The following METTL14 variants were observed in gnomAD, a reference collection of about 807,000 sequenced individuals.
The protein encoded by METTL14 is N(6)-adenosine-methyltransferase non-catalytic subunit METTL14.
A neutral mutation model predicts 62.4 loss-of-function variants in METTL14; 32 were observed. That is an observed-to-expected ratio of 0.51 (90% confidence interval 0.39 to 0.69). The LOEUF is 0.69. Among genes scored for constraint, METTL14 ranks in the 30% least tolerant of loss-of-function variants. The pLI is 0.00. For missense variants in METTL14, 340 were observed against 551.9 expected, an observed-to-expected ratio of 0.62 and a Z score of 3.85; for synonymous variants, 150 against 180.0, an observed-to-expected ratio of 0.83 and a Z score of 1.34.
intron 3 of METTL14, among the ~76,000 whole-genome samples, chr4:118,690,727 T>G (rs150778055): frequency 2.4e-4 from 36 of 151,734 alleles, no homozygotes; most frequent in Non-Finnish European, 1.5e-5. Context: ...TTGGATCAGA[T>G]TTTGAGAAGC....
intron 1 of METTL14, among the ~76,000 whole-genome samples, chr4:118,685,970 A>C (rs1180355624): frequency 6.6e-6 from 1 of 152,084 alleles, no homozygotes; most frequent in African/African-American, 2.4e-5. Flanking sequence ...GTCAGCCCCA[A>C]ATTCTTGAGA....
rs965237054 is a variant in METTL14, at chr4:118,712,390, G to T, written c.*2088G>T. 1.3e-5 allele frequency: 2 copies of T among 152,236 alleles called. No individual in the cohort carries two copies. Among genetic ancestry groups the T allele is most frequent in the African/African-American group, 4.8e-5 (2 of 41,438 alleles). The allele number at this position is 152,236 out of a possible 1,614,324, so 9.4% of individuals were successfully genotyped here. On this transcript the variant is annotated 3_prime_UTR_variant, in exon 11 of 11. Coordinates refer to ENST00000388822, the MANE Select transcript of METTL14 (RefSeq NM_020961.4). Reference sequence around the variant, plus strand: ...CCAGCACTTTGTGAGGCCGATGTGGGTGGATCACTTGAGGTCAGGAGTTTG... The same window carrying T: ...CCAGCACTTTGTGAGGCCGATGTGGTTGGATCACTTGAGGTCAGGAGTTTG...
chr4:118,709,908 A>G, intron 10 of METTL14, 90 bp from the exon 11 acceptor site: 1 of 1,232,966 alleles, frequency 8.1e-7, no homozygotes, highest in South Asian at 1.5e-5. Flanking sequence ...GACATCTTTA[A>G]GAATGCATTG....
At chr4:118,700,513 AAATACTTTTATGC>A in intron 7 of METTL14, 24 bp from the exon 8 acceptor site, 1 of 1,525,670 alleles carries the variant, frequency 6.6e-7, no homozygotes, top group Non-Finnish European at 9.1e-7. Flanking sequence ...ATGGGAAACA[AAATACTTTTATGC>A]AATATCGTTT....
At chr4:118,699,163 A>T (rs1724514450) in intron 7 of METTL14, among the ~76,000 whole-genome samples, 1 of 152,192 alleles carries the variant, frequency 6.6e-6, no homozygotes, top group African/African-American at 2.4e-5. Flanking sequence ...GAAACGGATT[A>T]GAATCTTTGC....
chr4:118,709,694 C>G (rs1456965690), intron 10 of METTL14, among the ~76,000 whole-genome samples: 1 of 152,196 alleles, frequency 6.6e-6, no homozygotes, highest in African/African-American at 2.4e-5. Context: ...ATTACAGTTT[C>G]ACTAAACCCA....
In METTL14 at chr4:118,712,037, G is replaced by A. The variant is rs1470095734; in HGVS notation, c.*1735G>A. ...CTTTGTCGGTTGAAAGTTAAGGGGA[G>A]CCATGATCTACCATATTTAGGAAAA... is the stretch of plus-strand genomic sequence containing the variant. On this transcript the variant is annotated 3_prime_UTR_variant, in exon 11 of 11. Transcript: ENST00000388822. 1.3e-5 allele frequency: 2 copies of A among 152,152 alleles called. No individual in the cohort carries two copies. Among genetic ancestry groups the A allele is most frequent in the Non-Finnish European group, 2.9e-5 (2 of 68,046 alleles). The allele number at this position is 152,152 out of a possible 1,614,324, so 9.4% of individuals were successfully genotyped here. A position where few individuals can be genotyped will look rare whatever the true frequency, so the allele number is the denominator to read the frequency against.
intron 2 of METTL14, among the ~76,000 whole-genome samples, 179 bp downstream of exon 2, chr4:118,688,190 G>A (rs1354485687): frequency 6.6e-6 from 1 of 151,936 alleles, no homozygotes; most frequent in African/African-American, 2.4e-5. Flanking sequence ...ATGAGCCACT[G>A]TGCCGAGGCA....
intron 9 of METTL14, among the ~76,000 whole-genome samples, chr4:118,704,899 G>C (rs532479342): frequency 6.6e-6 from 1 of 152,198 alleles, no homozygotes; most frequent in South Asian, 2.1e-4. Flanking sequence ...ATCTGGACTT[G>C]TGATTGGTAT....
At chr4:118,697,916 C>T (rs755214377) in intron 7 of METTL14, among the ~76,000 whole-genome samples, 9 of 151,644 alleles carry the variant, frequency 5.9e-5, no homozygotes, top group Non-Finnish European at 1.2e-4. Flanking sequence ...AGATGTGGGA[C>T]GGCGGTTACA....
At chr4:118,707,038 C>A (rs1269262976) in intron 10 of METTL14, among the ~76,000 whole-genome samples, 1 of 152,128 alleles carries the variant, frequency 6.6e-6, no homozygotes, top group Non-Finnish European at 1.5e-5. Flanking sequence ...TGTCTTCTCA[C>A]TGCCTTGTTG....
Position 118,710,059 on chromosome 4 carries a change from CTATT to C in METTL14, c.1130_1133del (p.Tyr377SerfsTer8), listed in dbSNP as rs1724873478. The C allele has an allele frequency of 6.2e-7, 1 of 1,614,058 alleles. No individual in the cohort carries two copies. The highest frequency in any genetic ancestry group is 1.3e-5 in the African/African-American group (1 of 74,930). On this transcript the variant is annotated frameshift_variant, in exon 11 of 11. Transcript: ENST00000388822. LOFTEE classifies it high-confidence loss of function. ...ACTACAATGCAGAAACATATGCATC[CTATT>C]TCAGTGCTCCTAATTCCTACTTGAC...
At chr4:118,708,113 C>T (rs140899146) in intron 10 of METTL14, among the ~76,000 whole-genome samples, 1,721 of 152,240 alleles carry the variant, frequency 0.011, 31 homozygotes, top group African/African-American at 0.039. Context: ...TGTGAGCCAC[C>T]ACACACCCAA....
intron 10 of METTL14, among the ~76,000 whole-genome samples, chr4:118,709,661 A>G (rs1008708063): frequency 6.6e-6 from 1 of 152,168 alleles, no homozygotes; most frequent in Non-Finnish European, 1.5e-5. Context: ...CATTTACATA[A>G]ATAGGAAGAT....
Position 118,712,192 on chromosome 4 carries a change from A to G in METTL14, c.*1890A>G, listed in dbSNP as rs1472206919. 1 of 152,230 alleles carries G rather than the reference A, an allele frequency of 6.6e-6. No homozygotes were observed. Among genetic ancestry groups the G allele is most frequent in the Non-Finnish European group, 1.5e-5 (1 of 68,034 alleles). 9.4% of individuals were successfully genotyped at this position (152,230 alleles called of 1,614,324 possible). The stretch of plus-strand genomic sequence containing the variant: ...CTAGTTTTTGCTAACTTTCACTTTC[A>G]GTAAAGGTTGAGGTGTTGTTTTTGC... On this transcript the variant is annotated 3_prime_UTR_variant, in exon 11 of 11. Coordinates refer to ENST00000388822, the MANE Select transcript of METTL14 (RefSeq NM_020961.4).
At chr4:118,705,933 C>G in intron 10 of METTL14, 112 bp downstream of exon 10, 1 of 864,394 alleles carries the variant, frequency 1.2e-6, no homozygotes, top group Admixed American at 2.4e-5. Context: ...CCTTTTCTTG[C>G]TGTACTTCAA....
intron 6 of METTL14, among the ~76,000 whole-genome samples, chr4:118,696,511 C>G (rs925331175): frequency 1.3e-5 from 2 of 152,132 alleles, no homozygotes; most frequent in Non-Finnish European, 2.9e-5. Context: ...CCACTGCATT[C>G]AGCCTGAGCA....
chr4:118,701,154 T>C (rs1299902443), intron 8 of METTL14, among the ~76,000 whole-genome samples: 6 of 151,312 alleles, frequency 4.0e-5, no homozygotes, highest in Non-Finnish European at 8.8e-5. Context: ...AGCTTTTTTA[T>C]TTTTATTTTT....
At chr4:118,699,299 T>G (rs1724517147) in intron 7 of METTL14, among the ~76,000 whole-genome samples, 1 of 152,220 alleles carries the variant, frequency 6.6e-6, no homozygotes, top group South Asian at 2.1e-4. Flanking sequence ...GCACTTTTAT[T>G]TATATTTGTA....
Sources: allele counts gnomAD v4.1 joint callset (sites outside exome capture counted in the v4.1 genomes callset), GRCh38; gene constraint gnomAD v4.1.1; transcripts MANE v1.5; gene names NCBI Gene and HGNC (gene_info 2026-07-23, HGNC 2026-07-21).